The following PAQR3 variants were observed in gnomAD, a reference collection of about 807,000 sequenced individuals.
PAQR3 encodes progestin and adipoQ receptor family member 3.
In PAQR3, 39 loss-of-function variants were observed where a neutral mutation model predicts 41.7. The observed-to-expected ratio is 0.93, with a 90% CI of 0.72 to 1.22. The LOEUF is 1.22. Ranked by LOEUF, PAQR3 falls within the 50% of genes most tolerant of loss-of-function variation. The pLI is 0.00. For missense variants in PAQR3, 366 were observed against 385.6 expected (o/e 0.95, Z 0.42); for synonymous variants, 140 against 140.6 (o/e 1.00, Z 0.03).
downstream of PAQR3, among the ~76,000 whole-genome samples, chr4:78,908,529 C>T (rs772204251): frequency 4.6e-5 from 7 of 152,130 alleles, no homozygotes; most frequent in Non-Finnish European, 8.8e-5. Context: ...TGTTTTCTTC[C>T]GAGGTATGCC....
In PAQR3 at chr4:78,917,353, G is replaced by GCA. The variant is rs1735179378; in HGVS notation, c.*3185_*3186insTG. The GCA allele has an allele frequency of 6.6e-6, 1 of 151,820 alleles. No individual in the cohort carries two copies. The highest frequency in any genetic ancestry group is 1.5e-5 in the Non-Finnish European group (1 of 67,864). The allele number at this position is 151,820 out of a possible 1,614,324, so 9.4% of individuals were successfully genotyped here. On this transcript the variant is annotated 3_prime_UTR_variant, in exon 6 of 6. Transcript: ENST00000512733. Reference sequence around the variant, plus strand: ...TTTTATAGAGCAGGACTAGAACCTTGGTGGCTGTTCATTTCAGCCCTCTTA... The same window carrying GCA: ...TTTTATAGAGCAGGACTAGAACCTTGCAGTGGCTGTTCATTTCAGCCCTCTTA...
At chr4:78,922,191 A>G (rs1465537005) in intron 5 of PAQR3, 2 of 1,048,248 alleles carry the variant, frequency 1.9e-6, no homozygotes, top group Non-Finnish European at 2.3e-6. Flanking sequence ...GGTGGTCTTC[A>G]ATTCAGTGGC....
chr4:78,900,559 G>T (rs1052123173), intron 11 of PAQR3, among the ~76,000 whole-genome samples: 2 of 152,072 alleles, frequency 1.3e-5, no homozygotes, highest in African/African-American at 4.8e-5. Context: ...TTTGTGATAG[G>T]GAATTAAGGA....
In PAQR3 at chr4:78,912,131, A is replaced by T; in HGVS notation, c.*8408T>A. On this transcript the variant is annotated 3_prime_UTR_variant, in exon 6 of 6. Coordinates refer to ENST00000512733, the MANE Select transcript of PAQR3 (RefSeq NM_001040202.2). The stretch of plus-strand genomic sequence containing the variant: ...AATTTGGTAGCTCTTTATAGCATTC[A>T]TTCTTAAAGATCAGTCAGAATAGGT... 9.5e-7 allele frequency: 1 copy of T among 1,054,394 alleles called. No homozygotes were observed. The highest frequency in any genetic ancestry group is 2.3e-5 in the Admixed American group (1 of 43,960). The allele number at this position is 1,054,394 out of a possible 1,614,324, so 65.3% of individuals were successfully genotyped here.
At position 78,919,605 on chromosome 4, in the gene PAQR3, A is replaced by T. The variant is rs922128010; in HGVS notation, c.*934T>A. 1 of 985,012 alleles carries T rather than the reference A, an allele frequency of 1.0e-6. No homozygotes were observed. Among genetic ancestry groups the T allele is most frequent in the East Asian group, 1.1e-4 (1 of 8,810 alleles). The allele number at this position is 985,012 out of a possible 1,614,324, so 61.0% of individuals were successfully genotyped here. A position where few individuals can be genotyped will look rare whatever the true frequency, so the allele number is the denominator to read the frequency against. The stretch of plus-strand genomic sequence containing the variant: ...AAGGCTTAAGGTTCATTTCAGGGTC[A>T]AGACAGGGCCATCTAGATTCTATGG... On this transcript the variant is annotated 3_prime_UTR_variant, in exon 6 of 6. Coordinates refer to ENST00000512733, the MANE Select transcript of PAQR3 (RefSeq NM_001040202.2).
Position 78,939,335 on chromosome 4 carries a change from G to A in PAQR3, c.-111C>T, listed in dbSNP as rs1737798601. ...GCCCCGGAGCCCGCGGACGCTGCGC[G>A]AGGTCCTACCGCGCTGCCGCTGCTG... On this transcript the variant is annotated 5_prime_UTR_variant, in exon 1 of 6. Coordinates refer to ENST00000512733, the MANE Select transcript of PAQR3 (RefSeq NM_001040202.2). The A allele has an allele frequency of 4.9e-6, 5 of 1,025,404 alleles. No individual in the cohort carries two copies. Among genetic ancestry groups the A allele is most frequent in the East Asian group, 3.4e-5 (1 of 29,102 alleles). 63.5% of individuals were successfully genotyped at this position (1,025,404 alleles called of 1,614,324 possible).
intron 5 of PAQR3, chr4:78,921,558 A>G (rs115036965): frequency 3.3e-5 from 24 of 718,410 alleles, no homozygotes; most frequent in Non-Finnish European, 4.1e-5. Flanking sequence ...TTAAAAAACA[A>G]AACACAGAGG....
Position 78,912,118 on chromosome 4 carries a change from CT to C in PAQR3, c.*8420del. The C allele has an allele frequency of 3.3e-6, 4 of 1,205,870 alleles. No homozygotes were observed. Among genetic ancestry groups the C allele is most frequent in the Non-Finnish European group, 4.7e-6 (4 of 848,282 alleles). 74.7% of individuals were successfully genotyped at this position (1,205,870 alleles called of 1,614,324 possible). A position where few individuals can be genotyped will look rare whatever the true frequency, so the allele number is the denominator to read the frequency against. ...GAATTTGAAAGAAAATTTGGTAGCTCTTTATAGCATTCATTCTTAAAGATCA... is the reference window on the plus strand; with the variant it reads ...GAATTTGAAAGAAAATTTGGTAGCTCTTATAGCATTCATTCTTAAAGATCA... On this transcript the variant is annotated 3_prime_UTR_variant, in exon 6 of 6. Coordinates refer to ENST00000512733, the MANE Select transcript of PAQR3 (RefSeq NM_001040202.2).
intron 1 of PAQR3, among the ~76,000 whole-genome samples, chr4:78,935,845 T>C (rs1187481487): frequency 2.0e-5 from 3 of 152,232 alleles, no homozygotes; most frequent in South Asian, 2.1e-4. Flanking sequence ...TATTGATCCA[T>C]TGGAAAGGTT....
In PAQR3 at chr4:78,902,276, G is replaced by A. The variant is rs532663246; in HGVS notation, c.*836+3832C>T. Among the ~76,000 whole-genome samples the A allele has an allele frequency of 2.6e-5, 4 of 152,120 alleles. No homozygotes were observed. In the East Asian group the frequency reaches 7.7e-4, roughly 29 times the overall value. On this transcript the variant is annotated intron_variant and NMD_transcript_variant, in intron 11 of 12. Coordinates refer to the PAQR3 transcript ENST00000342820. ...CCTATTCTGTAAATAGCAAAACAAAGCATTAACCTATTTTAAAGAAAAATT... is the reference window on the plus strand; with the variant it reads ...CCTATTCTGTAAATAGCAAAACAAAACATTAACCTATTTTAAAGAAAAATT...
At chr4:78,898,708 A>G (rs1733842097) in intron 11 of PAQR3, 1 of 151,768 alleles carries the variant, frequency 6.6e-6, no homozygotes, top group African/African-American at 2.4e-5. Context: ...CAACAAAATG[A>G]CTACAGAAAT....
chr4:78,911,048 C>T (rs373397533), downstream of PAQR3: 13 of 1,613,780 alleles, frequency 8.1e-6, no homozygotes, highest in African/African-American at 1.5e-4. Context: ...GATCTTAATA[C>T]AATACTCCTC....
Position 78,915,506 on chromosome 4 carries a change from CA to C in PAQR3, c.*5032del, listed in dbSNP as rs1294891674. ...TTTAGCAAACTTGTTATTTTAGGTC[CA>C]ATTATTGAGTTGACAGTCTACTGTG... On this transcript the variant is annotated 3_prime_UTR_variant, in exon 6 of 6. Coordinates refer to ENST00000512733, the MANE Select transcript of PAQR3 (RefSeq NM_001040202.2). 6.6e-6 allele frequency: 1 copy of C among 151,328 alleles called. No individual in the cohort carries two copies. The highest frequency in any genetic ancestry group is 2.4e-5 in the African/African-American group (1 of 41,170). The allele number at this position is 151,328 out of a possible 1,614,324, so 9.4% of individuals were successfully genotyped here. A position where few individuals can be genotyped will look rare whatever the true frequency, so the allele number is the denominator to read the frequency against.
rs1425721493 is a variant in PAQR3 at position 78,920,787 on chromosome 4, C to G, written c.794-106G>C. The G allele has an allele frequency of 1.5e-5, 19 of 1,276,990 alleles. No homozygotes were observed. In the East Asian group the frequency reaches 4.2e-4, roughly 28 times the overall value. The allele number at this position is 1,276,990 out of a possible 1,614,324, so 79.1% of individuals were successfully genotyped here. On this transcript the variant is annotated intron_variant, in intron 5 of 5. Coordinates refer to ENST00000512733, the MANE Select transcript of PAQR3 (RefSeq NM_001040202.2). ...CTTAGCAGAAAAATTTTCATAGTCT[C>G]AGAGTGCCTAGAGACTAACTGGAAG...
intron 11 of PAQR3, among the ~76,000 whole-genome samples, chr4:78,905,158 C>T (rs1219114433): frequency 6.6e-6 from 1 of 151,452 alleles, no homozygotes; most frequent in Admixed American, 6.6e-5. Flanking sequence ...ATTGATTAAC[C>T]CTTTCGTTAA....
At chr4:78,938,198 T>A (rs968364671) in intron 1 of PAQR3, among the ~76,000 whole-genome samples, 2 of 152,244 alleles carry the variant, frequency 1.3e-5, no homozygotes, top group Non-Finnish European at 2.9e-5. Context: ...GACCTGGAGC[T>A]AACCAACACC....
intron 11 of PAQR3, among the ~76,000 whole-genome samples, chr4:78,898,306 G>A (rs1195424079): frequency 6.6e-6 from 1 of 151,964 alleles, no homozygotes; most frequent in Non-Finnish European, 1.5e-5. Flanking sequence ...AATATTTGTT[G>A]GAACATAACA....
chr4:78,895,191 A>C (rs1733638252), intron 11 of PAQR3, among the ~76,000 whole-genome samples: 2 of 152,260 alleles, frequency 1.3e-5, no homozygotes, highest in South Asian at 4.1e-4. Flanking sequence ...GCAGTGATAG[A>C]CTTGTTCAAC....
chr4:78,939,248 C>G lies in PAQR3; in HGVS notation c.-24G>C, dbSNP rs776126523. ...ATCGTTCCCGGCCGCCGCCGCTCCC[C>G]GGCTCGGGAGCTCCCCCAGGTCCCG... On this transcript the variant is annotated 5_prime_UTR_variant, in exon 1 of 6. Coordinates refer to ENST00000512733, the MANE Select transcript of PAQR3 (RefSeq NM_001040202.2). 1.3e-6 allele frequency: 2 copies of G among 1,569,918 alleles called. No individual in the cohort carries two copies. Among genetic ancestry groups the G allele is most frequent in the South Asian group, 1.2e-5 (1 of 86,028 alleles).
Sources: allele counts gnomAD v4.1 joint callset (sites outside exome capture counted in the v4.1 genomes callset), GRCh38; gene constraint gnomAD v4.1.1; transcripts MANE v1.5; gene names NCBI Gene and HGNC (gene_info 2026-07-23, HGNC 2026-07-21).